The following NR2C2 variants were observed in gnomAD, a reference collection of about 807,000 sequenced individuals.
NR2C2 encodes the protein nuclear receptor subfamily 2 group C member 2, also known as Nuclear hormone receptor TR4.
A neutral mutation model predicts 62.9 loss-of-function variants in NR2C2; 6 were observed. The observed-to-expected ratio is 0.10, with a 90% CI of 0.05 to 0.19. The LOEUF is 0.19. Ranked by LOEUF, NR2C2 falls within the 10% of genes least tolerant of loss-of-function variation. The pLI is 1.00. For missense variants in NR2C2, 479 were observed against 762.7 expected (o/e 0.63, Z 4.38); for synonymous variants, 272 against 273.8 (o/e 0.99, Z 0.07).
At chr3:15,039,978 G>A (rs1378049911) in intron 13 of NR2C2, among the ~76,000 whole-genome samples, 6 of 151,836 alleles carry the variant, frequency 4.0e-5, no homozygotes, top group Non-Finnish European at 5.9e-5. Flanking sequence ...GTGAAACCCC[G>A]TCTCTACTAA....
At chr3:14,961,894 T>C (rs1016464362) in intron 1 of NR2C2, among the ~76,000 whole-genome samples, 1 of 152,244 alleles carries the variant, frequency 6.6e-6, no homozygotes, top group African/African-American at 2.4e-5. Context: ...TCTTGCTTTG[T>C]TAGTGATAGT....
chr3:15,015,360 A>G (rs1232614860), intron 3 of NR2C2, among the ~76,000 whole-genome samples: 1 of 152,224 alleles, frequency 6.6e-6, no homozygotes, highest in Non-Finnish European at 1.5e-5. Context: ...CGCCTAGAAA[A>G]TCACCACAAA....
intron 1 of NR2C2, among the ~76,000 whole-genome samples, chr3:14,989,418 G>A (rs974343235): frequency 6.6e-6 from 1 of 152,114 alleles, no homozygotes. Flanking sequence ...TGTTGTTCTT[G>A]TGGGTCTTTT....
rs762719932 is a variant in NR2C2, at chr3:15,032,360, T to C, written c.1111-19T>C. The stretch of plus-strand genomic sequence containing the variant: ...TGTCCTTCCTTCACCTCCTGTGCCA[T>C]GTGCCTCCTCTTTTCCAGCTAACAA... On this transcript the variant is annotated intron_variant, in intron 9 of 13. Coordinates refer to ENST00000425241, the MANE Select transcript of NR2C2 (RefSeq NM_001291694.2). 4 of 1,614,168 alleles carry C rather than the reference T, an allele frequency of 2.5e-6. No individual in the cohort carries two copies. The highest frequency in any genetic ancestry group is 1.6e-4 in the Middle Eastern group (1 of 6,062).
At chr3:15,037,592 T>G (rs770582447) in intron 11 of NR2C2, among the ~76,000 whole-genome samples, 1 of 152,144 alleles carries the variant, frequency 6.6e-6, no homozygotes, top group East Asian at 1.9e-4. Flanking sequence ...AAAAATTGTT[T>G]TGACAACTAA....
rs560788348 is a variant in NR2C2 at position 15,040,858 on chromosome 3, G to A, written c.1616+1631G>A. Among the ~76,000 whole-genome samples, 8 of 152,304 alleles carry A rather than the reference G, an allele frequency of 5.3e-5. No homozygotes were observed. The South Asian group carries it at 1.5e-3, about 28-fold the overall frequency. ...ATCCAGCCAGGTATACAGTCAGGTT[G>A]TCCTCCTAGGAGGCCACAGGCCTGC... On this transcript the variant is annotated intron_variant, in intron 13 of 13. Coordinates refer to ENST00000425241, the MANE Select transcript of NR2C2 (RefSeq NM_001291694.2).
intron 3 of NR2C2, 151 bp downstream of exon 3, chr3:15,013,940 AT>A (rs2041428842): frequency 1.4e-6 from 1 of 736,264 alleles, no homozygotes; most frequent in South Asian, 1.7e-5. Flanking sequence ...GGCCAAAGTA[AT>A]AAACCAGCAA....
At chr3:15,028,766 TC>T in intron 8 of NR2C2, 47 bp downstream of exon 8, 1 of 1,596,806 alleles carries the variant, frequency 6.3e-7, no homozygotes, top group Non-Finnish European at 8.6e-7. Context: ...CTGGACACCC[TC>T]CCTCTATTGT....
At chr3:14,994,066 C>T (rs1047367203) in intron 1 of NR2C2, among the ~76,000 whole-genome samples, 11 of 152,092 alleles carry the variant, frequency 7.2e-5, no homozygotes, top group African/African-American at 2.2e-4. Context: ...TACCAGGTTC[C>T]GGTAAAGCAT....
intron 1 of NR2C2, among the ~76,000 whole-genome samples, chr3:14,984,616 T>G (rs2040465438): frequency 6.6e-6 from 1 of 152,222 alleles, no homozygotes; most frequent in African/African-American, 2.4e-5. Flanking sequence ...CTCATCCGTA[T>G]TGTTGCATAT....
chr3:14,962,639 G>A (rs1366957445), intron 1 of NR2C2: 1 of 145,954 alleles, frequency 6.9e-6, no homozygotes, highest in African/African-American at 2.5e-5. Context: ...AAAATGACAA[G>A]AACATTTATT....
chr3:14,999,328 A>C (rs1315146469), intron 1 of NR2C2, among the ~76,000 whole-genome samples: 1 of 152,090 alleles, frequency 6.6e-6, no homozygotes, highest in East Asian at 1.9e-4. Context: ...AAAACAAACA[A>C]AAAAAATTTA....
intron 11 of NR2C2, among the ~76,000 whole-genome samples, chr3:15,037,633 G>T (rs1480225293): frequency 6.6e-6 from 1 of 152,282 alleles, no homozygotes; most frequent in East Asian, 1.9e-4. Flanking sequence ...TCAGGTGCCT[G>T]CAGAGACTTA....
chr3:15,015,019 G>A (rs958647001), intron 3 of NR2C2, among the ~76,000 whole-genome samples: 1 of 152,180 alleles, frequency 6.6e-6, no homozygotes, highest in African/African-American at 2.4e-5. Flanking sequence ...AACATGTTCA[G>A]CTTTCAGAAC....
At chr3:14,949,867 TAGAG>T (rs2039295172) in intron 1 of NR2C2, among the ~76,000 whole-genome samples, 1 of 152,192 alleles carries the variant, frequency 6.6e-6, no homozygotes, top group African/African-American at 2.4e-5. Context: ...TCTCTCGAGA[TAGAG>T]ATATTTATAC....
intron 1 of NR2C2, among the ~76,000 whole-genome samples, chr3:14,973,597 C>G (rs1171728491): frequency 6.7e-6 from 1 of 149,966 alleles, no homozygotes; most frequent in Non-Finnish European, 1.5e-5. Context: ...GGTCTATGAT[C>G]CAGTTATACG....
intron 13 of NR2C2, among the ~76,000 whole-genome samples, chr3:15,041,048 G>C (rs2042247549): frequency 6.6e-6 from 1 of 152,156 alleles, no homozygotes; most frequent in Non-Finnish European, 1.5e-5. Flanking sequence ...GTCCAGTCAG[G>C]GACCCAGGGT....
rs113222258 is a variant in NR2C2, at chr3:14,974,595, T to C, written c.-40+26689T>C. Among the ~76,000 whole-genome samples, 765 of 151,530 alleles carry C rather than the reference T, an allele frequency of 5.0e-3. 11 individuals are homozygous for C. Among genetic ancestry groups the C allele is most frequent in the African/African-American group, 0.017 (706 of 41,352 alleles). ...TTTTATAGTTTTCGGTGTATACTTA[T>C]GGTTTTTTTGTTGGTTTTTTTTTTT... is the stretch of plus-strand genomic sequence containing the variant. On this transcript the variant is annotated intron_variant, in intron 1 of 13. Coordinates refer to ENST00000425241, the MANE Select transcript of NR2C2 (RefSeq NM_001291694.2).
chr3:14,993,454 CA>C (rs58284681), intron 1 of NR2C2, among the ~76,000 whole-genome samples: 16,230 of 119,204 alleles, frequency 0.14, 1,026 homozygotes, highest in African/African-American at 0.22. Context: ...AACTCCATCT[CA>C]AAAAAAAAAA....
Sources: allele counts gnomAD v4.1 joint callset (sites outside exome capture counted in the v4.1 genomes callset), GRCh38; gene constraint gnomAD v4.1.1; transcripts MANE v1.5; gene names NCBI Gene and HGNC (gene_info 2026-07-23, HGNC 2026-07-21).